Variants in SLC26A3 observed in about 807,000 individuals in gnomAD.
SLC26A3 encodes the protein chloride anion exchanger.
In SLC26A3, 64 loss-of-function variants were observed where a neutral mutation model predicts 85.6. The ratio of observed to expected loss-of-function variants is 0.75; its 90% CI spans 0.61 to 0.92. SLC26A3 has a LOEUF of 0.92. Ranked by LOEUF, SLC26A3 falls within the 40% of genes least tolerant of loss-of-function variation. The pLI is 0.00. For synonymous variants in SLC26A3, 349 were observed against 336.0 expected (o/e 1.04, Z -0.42); for missense variants, 922 against 927.3 (o/e 0.99, Z 0.07).
chr7:107,783,470 T>G, intron 8 of SLC26A3, 118 bp from the exon 9 acceptor site: 1 of 1,225,924 alleles, frequency 8.2e-7, no homozygotes, highest in African/African-American at 1.5e-5. Context: ...CTTTGGAGTA[T>G]GATTAACGAG....
chr7:107,765,894 A>C lies in SLC26A3; in HGVS notation c.2272-16T>G. The C allele has an allele frequency of 6.2e-7, 1 of 1,607,420 alleles. No individual in the cohort carries two copies. The highest frequency in any genetic ancestry group is 8.5e-7 in the Non-Finnish European group (1 of 1,174,318). Reference sequence around the variant, plus strand: ...CAACTGGCACCTGGAAGAAGACAGAAAGTTCTTGTTTTAAAATACTCGTCA... The same window carrying C: ...CAACTGGCACCTGGAAGAAGACAGACAGTTCTTGTTTTAAAATACTCGTCA... On this transcript the variant is annotated splice_polypyrimidine_tract_variant and intron_variant, in intron 20 of 20. Coordinates refer to ENST00000340010, the MANE Select transcript of SLC26A3 (RefSeq NM_000111.3).
At chr7:107,786,764 C>T in intron 8 of SLC26A3, 63 bp downstream of exon 8, 7 of 1,358,040 alleles carry the variant, frequency 5.2e-6, no homozygotes, top group Admixed American at 5.0e-5. Flanking sequence ...TTGTACCTCT[C>T]CTGTCACTAC....
At position 107,767,636 on chromosome 7, in the gene SLC26A3, ATC is replaced by A; in HGVS notation, c.2212_2213del (p.Asp738TrpfsTer4). 6.2e-7 allele frequency: 1 copy of A among 1,610,656 alleles called. No individual in the cohort carries two copies. Among genetic ancestry groups the A allele is most frequent in the Non-Finnish European group, 8.5e-7 (1 of 1,177,236 alleles). ...TATTTATGGTAAAATCAATTTTTCC[ATC>A]TTTTTCCTGAGAAAAAGAGAATGGA... ...TSKFNPSQEK[D>X]GKIDFTINTN... On this transcript the variant is annotated frameshift_variant, in exon 20 of 21. Coordinates refer to ENST00000340010, the MANE Select transcript of SLC26A3 (RefSeq NM_000111.3). LOFTEE classifies it high-confidence loss of function.
chr7:107,791,091 A>AC lies in SLC26A3; in HGVS notation c.526dup (p.Val176GlyfsTer32). ...CACTGTGACTGATGCCGCCGCCGCCACCCTCACCCTCTCGTCATCCAGTAG... is the reference window on the plus strand; with the variant it reads ...CACTGTGACTGATGCCGCCGCCGCCACCCCTCACCCTCTCGTCATCCAGTAG... On this transcript the variant is annotated frameshift_variant, in exon 5 of 21. Coordinates refer to ENST00000340010, the MANE Select transcript of SLC26A3 (RefSeq NM_000111.3). LOFTEE classifies it high-confidence loss of function. The AC allele has an allele frequency of 6.2e-7, 1 of 1,614,122 alleles. No individual in the cohort carries two copies. Among genetic ancestry groups the AC allele is most frequent in the South Asian group, 1.1e-5 (1 of 91,082 alleles).
intron 1 of SLC26A3, 62 bp from the exon 2 acceptor site, chr7:107,794,659 T>A: frequency 1.2e-6 from 1 of 813,162 alleles, no homozygotes; most frequent in South Asian, 1.4e-5. Context: ...AATTTACAGA[T>A]GAGTGAGCTC....
chr7:107,780,627 T>C (rs10263826), intron 11 of SLC26A3, among the ~76,000 whole-genome samples: 46,107 of 152,044 alleles, frequency 0.3, 7,304 homozygotes, highest in African/African-American at 0.4. Context: ...AAAAGCCAAA[T>C]ACAGTTTTTA....
chr7:107,797,212 G>A (rs934381427), intron 1 of SLC26A3, among the ~76,000 whole-genome samples: 3 of 152,172 alleles, frequency 2.0e-5, no homozygotes, highest in Admixed American at 6.5e-5. Flanking sequence ...AAATCTTTCC[G>A]GCCAGGCGCG....
chr7:107,784,242 C>T (rs917528085), intron 8 of SLC26A3, among the ~76,000 whole-genome samples: 17 of 152,126 alleles, frequency 1.1e-4, no homozygotes, highest in African/African-American at 2.9e-4. Context: ...ATATCTGATG[C>T]CATTATAAAT....
intron 2 of SLC26A3, 97 bp from the exon 3 acceptor site, chr7:107,793,978 G>A: frequency 1.4e-6 from 2 of 1,459,364 alleles, no homozygotes; most frequent in Non-Finnish European, 1.9e-6. Flanking sequence ...ATATGCTAAA[G>A]ATTAAACTAG....
chr7:107,765,873 T>G lies in SLC26A3; in HGVS notation c.2277A>C (p.Pro759=). Reference sequence around the variant, plus strand: ...ATGTTGATTAGAATTTTGTTTCAACTGGCACCTGGAAGAAGACAGAAAGTT... The same window carrying G: ...ATGTTGATTAGAATTTTGTTTCAACGGGCACCTGGAAGAAGACAGAAAGTT... The part of the protein sequence containing the change: ...GGLRNRVYEV[P]VETKF The change falls in exon 21 of 21, where the codon CCA becomes CCC. Residue 759 remains proline, a synonymous_variant. Transcript: ENST00000340010. The G allele has an allele frequency of 6.2e-7, 1 of 1,611,430 alleles. No individual in the cohort carries two copies. Among genetic ancestry groups the G allele is most frequent in the Non-Finnish European group, 8.5e-7 (1 of 1,177,882 alleles).
chr7:107,778,335 G>T, intron 12 of SLC26A3, 54 bp from the exon 13 acceptor site: 8 of 961,072 alleles, frequency 8.3e-6, no homozygotes, highest in South Asian at 1.4e-5. Flanking sequence ...AAAGTACAAT[G>T]TCGAGACGGG....
At chr7:107,782,669 C>G in intron 11 of SLC26A3, 128 bp downstream of exon 11, 1 of 920,526 alleles carries the variant, frequency 1.1e-6, no homozygotes, top group Non-Finnish European at 1.8e-6. Flanking sequence ...AGAGTATTGG[C>G]TAAGAAGAGT....
chr7:107,783,631 G>A (rs559009825), intron 8 of SLC26A3, among the ~76,000 whole-genome samples: 2 of 152,348 alleles, frequency 1.3e-5, no homozygotes, highest in South Asian at 4.1e-4. Context: ...ATGTGCGTGT[G>A]TATTCTTATA....
intron 5 of SLC26A3, 113 bp downstream of exon 5, chr7:107,790,935 G>A (rs1229235202): frequency 1.2e-5 from 14 of 1,161,704 alleles, no homozygotes; most frequent in Admixed American, 2.0e-5. Context: ...ATGAGGGAGA[G>A]ACAAACCAAA....
chr7:107,793,366 T>TA (rs1794436328), intron 3 of SLC26A3, among the ~76,000 whole-genome samples: 1 of 152,138 alleles, frequency 6.6e-6, no homozygotes, highest in Non-Finnish European at 1.5e-5. Context: ...GATGAGCAGA[T>TA]AAAAAAATTG....
intron 1 of SLC26A3, among the ~76,000 whole-genome samples, chr7:107,794,870 A>G (rs1379994990): frequency 6.6e-6 from 1 of 152,236 alleles, no homozygotes; most frequent in East Asian, 1.9e-4. Flanking sequence ...TTTTACTTAC[A>G]AGGCAAGATA....
At chr7:107,794,166 G>T (rs1794454983) in intron 2 of SLC26A3, among the ~76,000 whole-genome samples, 1 of 152,096 alleles carries the variant, frequency 6.6e-6, no homozygotes, top group Admixed American at 6.6e-5. Context: ...TTAGTTGTCT[G>T]ATTTGGAAAG....
At chr7:107,796,100 AT>A (rs1794493726) in intron 1 of SLC26A3, among the ~76,000 whole-genome samples, 1 of 38,308 alleles carries the variant, frequency 2.6e-5, no homozygotes, top group Non-Finnish European at 4.6e-5. Flanking sequence ...CTCCCTTATT[AT>A]TATTATTATT....
chr7:107,770,073 CTCTT>C (rs1305995234), intron 18 of SLC26A3, among the ~76,000 whole-genome samples: 2 of 100,916 alleles, frequency 2.0e-5, no homozygotes, highest in Non-Finnish European at 4.4e-5. Flanking sequence ...TTTTCTTTCT[CTCTT>C]TTTTCTTTCT....
Sources: gnomAD v4.1 joint callset for allele counts (sites outside exome capture counted in the v4.1 genomes callset) on GRCh38, gnomAD v4.1.1 for gene constraint, MANE v1.5 for transcripts, NCBI Gene and HGNC (gene_info 2026-07-23, HGNC 2026-07-21) for gene names.